AUTS2: variants seen among roughly 807,000 people sequenced by gnomAD.
AUTS2 encodes activator of transcription and developmental regulator AUTS2, also known as autism susceptibility gene 2 protein.
A neutral mutation model predicts 112.4 loss-of-function variants in AUTS2; 17 were observed. The observed-to-expected ratio is 0.15, with a 90% CI of 0.10 to 0.23. AUTS2 has a LOEUF of 0.23. Ranked by LOEUF, AUTS2 falls within the 10% of genes least tolerant of loss-of-function variation. The pLI is 1.00. For synonymous variants in AUTS2, 751 were observed against 702.7 expected (o/e 1.07, Z -1.09); for missense variants, 1,510 against 1,701.6 (o/e 0.89, Z 1.98).
intron 1 of AUTS2, among the ~76,000 whole-genome samples, chr7:69,889,570 A>C (rs1027829951): frequency 6.6e-6 from 1 of 152,206 alleles, no homozygotes; most frequent in African/African-American, 2.4e-5. Flanking sequence ...CCAGATGACT[A>C]ATGAGCACAT....
chr7:70,335,189 T>C (rs1302211328), intron 4 of AUTS2, among the ~76,000 whole-genome samples: 5 of 152,234 alleles, frequency 3.3e-5, no homozygotes, highest in Admixed American at 6.5e-5. Flanking sequence ...TCTGTCTTTG[T>C]GGCATTAAGT....
At chr7:70,685,472 C>CAAAA (rs34403837) in intron 5 of AUTS2, among the ~76,000 whole-genome samples, 22 of 65,800 alleles carry the variant, frequency 3.3e-4, no homozygotes, top group South Asian at 5.3e-4. Flanking sequence ...GACTCTGTCT[C>CAAAA]AAAAAAAAAA....
intron 4 of AUTS2, among the ~76,000 whole-genome samples, chr7:70,302,462 G>T (rs1435571250): frequency 4.6e-5 from 7 of 151,704 alleles, no homozygotes; most frequent in African/African-American, 1.7e-4. Flanking sequence ...ACTATAACTA[G>T]TTTTAGTGTT....
At chr7:69,731,247 A>G (rs999162756) in intron 1 of AUTS2, among the ~76,000 whole-genome samples, 1 of 152,166 alleles carries the variant, frequency 6.6e-6, no homozygotes, top group Non-Finnish European at 1.5e-5. Flanking sequence ...AGCCATGATC[A>G]TGACACTGCA....
chr7:70,674,295 C>A (rs1306445887), intron 5 of AUTS2, among the ~76,000 whole-genome samples: 1 of 152,156 alleles, frequency 6.6e-6, no homozygotes, highest in African/African-American at 2.4e-5. Context: ...TAAAAAAATT[C>A]TTCCTAGGGA....
At position 70,573,823 on chromosome 7, in the gene AUTS2, T is replaced by C. The variant is rs190843631; in HGVS notation, c.691-124746T>C. Among the ~76,000 whole-genome samples, 698 of 152,180 alleles carry C rather than the reference T, an allele frequency of 4.6e-3. 2 individuals are homozygous for C. The highest frequency in any genetic ancestry group is 8.3e-3 in the Admixed American group (127 of 15,288). ...ATAACTAGTTTTAAGGGGAACTTAG[T>C]TGAAAAATGCTTGGTTTTCTCCAAA... On this transcript the variant is annotated intron_variant, in intron 5 of 18. Transcript: ENST00000342771.
In AUTS2 at chr7:70,790,855, G is replaced by A; in HGVS notation, c.3639G>A (p.Pro1213=). The A allele has an allele frequency of 6.2e-6, 10 of 1,606,668 alleles. No homozygotes were observed. The highest frequency in any genetic ancestry group is 8.5e-6 in the Non-Finnish European group (10 of 1,176,324). The change falls in exon 19 of 19, where the codon CCG becomes CCA. Residue 1213 remains proline, a synonymous_variant. Transcript: ENST00000342771. The surrounding 1 kb of genome is among the most constrained non-coding windows in gnomAD (Gnocchi z 7.6). ...ACGGACTCCTCAACAAGACCCCTCCGACAGCAGCGCTGAGCGCACCTCCCC... is the reference window on the plus strand; with the variant it reads ...ACGGACTCCTCAACAAGACCCCTCCAACAGCAGCGCTGAGCGCACCTCCCC... ...NQNGLLNKTP[P]TAALSAPPPL...
chr7:69,842,410 T>C (rs1319301915), intron 1 of AUTS2, among the ~76,000 whole-genome samples: 1 of 152,204 alleles, frequency 6.6e-6, no homozygotes, highest in African/African-American at 2.4e-5. Context: ...GTTCATAACA[T>C]ATTCTTTAAG....
intron 4 of AUTS2, among the ~76,000 whole-genome samples, chr7:70,154,415 C>T (rs537584275): frequency 6.6e-6 from 1 of 152,188 alleles, no homozygotes; most frequent in East Asian, 1.9e-4. Flanking sequence ...TTAAAAGATA[C>T]ATTTTTATAA....
chr7:70,616,091 A>G (rs530714172), intron 5 of AUTS2, among the ~76,000 whole-genome samples: 3 of 152,322 alleles, frequency 2.0e-5, no homozygotes, highest in African/African-American at 7.2e-5. Flanking sequence ...TTCTCCAAAA[A>G]GACAACAAAA....
At chr7:69,693,334 T>C (rs1292379337) in intron 1 of AUTS2, among the ~76,000 whole-genome samples, 1 of 152,222 alleles carries the variant, frequency 6.6e-6, no homozygotes, top group Non-Finnish European at 1.5e-5. Flanking sequence ...TTTTGGCAAA[T>C]AGTTGAGATA....
At chr7:70,114,883 A>G (rs1478109268) in intron 2 of AUTS2, among the ~76,000 whole-genome samples, 2 of 152,156 alleles carry the variant, frequency 1.3e-5, no homozygotes, top group Non-Finnish European at 2.9e-5. Context: ...GTTTAGCTTT[A>G]GTACTTACTG....
intron 2 of AUTS2, among the ~76,000 whole-genome samples, chr7:70,058,210 A>G (rs940824815): frequency 1.3e-5 from 2 of 152,136 alleles, no homozygotes; most frequent in African/African-American, 4.8e-5. Flanking sequence ...TATTCTAAAA[A>G]CCCAGTAATT....
chr7:70,377,332 AT>A (rs1793141902), intron 4 of AUTS2, among the ~76,000 whole-genome samples: 6 of 34,278 alleles, frequency 1.8e-4, no homozygotes, highest in East Asian at 8.7e-4. Flanking sequence ...ATAAATATAT[AT>A]ATATATATAT....
chr7:69,767,629 T>C (rs534854319), intron 1 of AUTS2, among the ~76,000 whole-genome samples: 2 of 152,290 alleles, frequency 1.3e-5, no homozygotes, highest in South Asian at 2.1e-4. Context: ...GCAGAACCAA[T>C]AGGGGCCAGG....
intron 2 of AUTS2, among the ~76,000 whole-genome samples, chr7:69,972,624 A>C (rs903565877): frequency 5.3e-5 from 8 of 151,764 alleles, no homozygotes; most frequent in Admixed American, 3.3e-4. Context: ...ATTTTTTATA[A>C]GATATGAAAC....
Position 69,599,757 on chromosome 7 carries a change from C to A in AUTS2, c.104C>A (p.Ala35Asp). The A allele has an allele frequency of 7.3e-7, 1 of 1,370,954 alleles. No homozygotes were observed. The highest frequency in any genetic ancestry group is 9.4e-7 in the Non-Finnish European group (1 of 1,065,902). The allele number at this position is 1,370,954 out of a possible 1,614,324, so 84.9% of individuals were successfully genotyped here. ...RSRGGLGAGA[A>D]GGGGAGRTRA... ...CGGGGCGGGCTGGGGGCCGGCGCGG[C>A]CGGCGGCGGCGGGGCTGGCCGGACC... The change falls in exon 1 of 19, where the codon GCC becomes GAC. Residue 35 changes from alanine (A) to aspartate (D), a missense_variant. Ala to Asp is a moderately radical substitution (Grantham distance 126). Coordinates refer to ENST00000342771, the MANE Select transcript of AUTS2 (RefSeq NM_015570.4). This position sits in a 1 kb window ranked among gnomAD's most constrained non-coding sequence, Gnocchi z 7.0.
At chr7:69,956,332 C>T (rs759658524) in intron 2 of AUTS2, among the ~76,000 whole-genome samples, 10 of 152,120 alleles carry the variant, frequency 6.6e-5, no homozygotes, top group Non-Finnish European at 1.3e-4. Flanking sequence ...CACATACATA[C>T]CTGTGCTTAC....
intron 5 of AUTS2, among the ~76,000 whole-genome samples, chr7:70,563,424 C>A (rs1801572288): frequency 6.6e-6 from 1 of 152,084 alleles, no homozygotes; most frequent in Non-Finnish European, 1.5e-5. Flanking sequence ...TGCCATTTCC[C>A]TGTTGAGCTC....
Sources: allele counts gnomAD v4.1 joint callset (sites outside exome capture counted in the v4.1 genomes callset), GRCh38; gene constraint gnomAD v4.1.1; non-coding constraint Gnocchi (gnomAD v3.1); transcripts MANE v1.5; gene names NCBI Gene and HGNC (gene_info 2026-07-23, HGNC 2026-07-21).